RAP1A: variants seen among roughly 807,000 people sequenced by gnomAD.
The protein encoded by RAP1A is RAP1A, member of RAS oncogene family.
A neutral mutation model predicts 26.4 loss-of-function variants in RAP1A; 6 were observed. The ratio of observed to expected loss-of-function variants is 0.23; its 90% CI spans 0.12 to 0.45. RAP1A has a LOEUF of 0.45. Among genes scored for constraint, RAP1A ranks in the 20% least tolerant of loss-of-function variants. The probability of loss-of-function intolerance (pLI) is 0.99; values close to 1 mark genes in which losing one functional copy is unlikely to be tolerated. For missense variants in RAP1A, 121 were observed against 217.2 expected (o/e 0.56, Z 2.78); for synonymous variants, 73 against 79.4 (o/e 0.92, Z 0.43).
intron 1 of RAP1A, among the ~76,000 whole-genome samples, chr1:111,689,979 G>A (rs1267450330): frequency 6.6e-6 from 1 of 152,108 alleles, no homozygotes; most frequent in Non-Finnish European, 1.5e-5. Context: ...CCCGGCCTCA[G>A]GTCACATTTT....
chr1:111,565,120 A>G (rs1012165235), intron 1 of RAP1A, among the ~76,000 whole-genome samples: 2 of 152,196 alleles, frequency 1.3e-5, no homozygotes, highest in Non-Finnish European at 2.9e-5. Flanking sequence ...CCAGGCACAG[A>G]GAACATAATG....
At position 111,716,124 on chromosome 1, in the gene RAP1A, T is replaced by C. The variant is rs1362599723; in HGVS notation, c.*3723T>C. On this transcript the variant is annotated 3_prime_UTR_variant, in exon 8 of 8. Coordinates refer to ENST00000369709, the MANE Select transcript of RAP1A (RefSeq NM_002884.4). ...TTTAAGAATTTGGATTTTGTACTTA[T>C]TTAAGGTGCTAAATATGTGTTAAAA... 2.0e-5 allele frequency: 3 copies of C among 152,230 alleles called. No homozygotes were observed. Among genetic ancestry groups the C allele is most frequent in the African/African-American group, 4.8e-5 (2 of 41,458 alleles). The allele number at this position is 152,230 out of a possible 1,614,324, so 9.4% of individuals were successfully genotyped here. A position where few individuals can be genotyped will look rare whatever the true frequency, so the allele number is the denominator to read the frequency against.
chr1:111,711,591 C>A (rs975836291), intron 7 of RAP1A, among the ~76,000 whole-genome samples: 2 of 152,114 alleles, frequency 1.3e-5, no homozygotes, highest in African/African-American at 4.8e-5. Context: ...TTTGATAATA[C>A]CAAATAATAG....
chr1:111,564,062 T>C (rs1657855472), intron 1 of RAP1A: 4 of 779,244 alleles, frequency 5.1e-6, no homozygotes, highest in Non-Finnish European at 8.9e-6. Context: ...TTTTGGGGGG[T>C]AGAGAATTGG....
At chr1:111,583,139 C>T (rs902333662) in intron 1 of RAP1A, among the ~76,000 whole-genome samples, 10 of 152,126 alleles carry the variant, frequency 6.6e-5, no homozygotes, top group Non-Finnish European at 1.3e-4. Context: ...AACCTCTAAA[C>T]ATTCCTGTTC....
intron 6 of RAP1A, among the ~76,000 whole-genome samples, chr1:111,705,848 C>T (rs187650061): frequency 2.0e-5 from 3 of 152,298 alleles, no homozygotes; most frequent in Non-Finnish European, 2.9e-5. Flanking sequence ...ATTGGCCTTA[C>T]GGGATGTGGT....
chr1:111,634,957 A>G (rs1172743904), intron 1 of RAP1A, among the ~76,000 whole-genome samples: 2 of 152,118 alleles, frequency 1.3e-5, no homozygotes, highest in South Asian at 2.1e-4. Flanking sequence ...CATATATTTT[A>G]TAATCAAACT....
intron 1 of RAP1A, among the ~76,000 whole-genome samples, chr1:111,683,675 T>A (rs553826356): frequency 1.3e-5 from 2 of 152,256 alleles, no homozygotes; most frequent in South Asian, 4.1e-4. Context: ...AATAATAGCC[T>A]ACCAACCAAA....
At chr1:111,645,367 G>T (rs1282024608) in intron 1 of RAP1A, among the ~76,000 whole-genome samples, 1 of 152,144 alleles carries the variant, frequency 6.6e-6, no homozygotes, top group Non-Finnish European at 1.5e-5. Context: ...AAGAAGGAAG[G>T]TAATGAGAGA....
At position 111,567,558 on chromosome 1, in the gene RAP1A, T is replaced by C. The variant is rs1268080233; in HGVS notation, c.-28+25049T>C. 2.6e-5 allele frequency among the ~76,000 whole-genome samples: 4 copies of C among 152,160 alleles called. No individual in the cohort carries two copies. The East Asian group carries it at 7.7e-4, about 29-fold the overall frequency. On this transcript the variant is annotated intron_variant, in intron 1 of 7. Transcript: ENST00000356415. Reference sequence around the variant, plus strand: ...TCTATTGAAGCCCTAGCCCCAAAGGTAACTGTATTTGGAAATAAGGTCTTT... The same window carrying C: ...TCTATTGAAGCCCTAGCCCCAAAGGCAACTGTATTTGGAAATAAGGTCTTT...
chr1:111,662,341 G>A (rs1660664256), intron 1 of RAP1A, among the ~76,000 whole-genome samples: 1 of 147,426 alleles, frequency 6.8e-6, no homozygotes, highest in Non-Finnish European at 1.5e-5. Context: ...CTTGCAGTGA[G>A]CAGAGGTAGC....
chr1:111,618,694 AT>A (rs1453747229), upstream of RAP1A, among the ~76,000 whole-genome samples: 106 of 152,226 alleles, frequency 7.0e-4, no homozygotes, highest in African/African-American at 2.5e-3. Context: ...CTGCTCCTCC[AT>A]TTCATTAAGT....
intron 1 of RAP1A, among the ~76,000 whole-genome samples, chr1:111,554,885 C>G (rs184643177): frequency 6.6e-6 from 1 of 152,062 alleles, no homozygotes. Context: ...ACAAAAGTCA[C>G]AAAATACACA....
chr1:111,569,084 T>A (rs1284526483), intron 1 of RAP1A, among the ~76,000 whole-genome samples: 3 of 152,164 alleles, frequency 2.0e-5, no homozygotes, highest in African/African-American at 7.2e-5. Flanking sequence ...AGACTGTTAG[T>A]AGTTAAGTTT....
chr1:111,664,149 G>C (rs1435444571), intron 1 of RAP1A, among the ~76,000 whole-genome samples: 1 of 152,070 alleles, frequency 6.6e-6, no homozygotes, highest in Non-Finnish European at 1.5e-5. Context: ...CACGGAGGGT[G>C]GATCACCTGA....
chr1:111,596,206 T>C (rs965478639), intron 1 of RAP1A, among the ~76,000 whole-genome samples: 5 of 152,160 alleles, frequency 3.3e-5, no homozygotes, highest in African/African-American at 1.2e-4. Context: ...CAGGATCATT[T>C]ACAACATTCT....
intron 4 of RAP1A, among the ~76,000 whole-genome samples, chr1:111,698,301 G>A (rs1030269036): frequency 2.0e-5 from 3 of 152,078 alleles, no homozygotes; most frequent in Non-Finnish European, 4.4e-5. Context: ...AAGAGACGAG[G>A]TCTTGCTCTG....
intron 1 of RAP1A, among the ~76,000 whole-genome samples, chr1:111,560,301 A>C (rs6703237): frequency 0.025 from 3,801 of 151,866 alleles, 155 homozygotes; most frequent in African/African-American, 0.087. Flanking sequence ...AAAATCTAGA[A>C]TGGAGAGTGA....
chr1:111,619,393 C>T (rs1356198070), upstream of RAP1A, among the ~76,000 whole-genome samples: 1 of 152,190 alleles, frequency 6.6e-6, no homozygotes, highest in Admixed American at 6.5e-5. Flanking sequence ...TCTCACTCCA[C>T]CAGCATGCAA....
Sources: allele counts gnomAD v4.1 joint callset (sites outside exome capture counted in the v4.1 genomes callset), GRCh38; gene constraint gnomAD v4.1.1; transcripts MANE v1.5; gene names NCBI Gene and HGNC (gene_info 2026-07-23, HGNC 2026-07-21).